The following C10orf67 variants were observed in gnomAD, a reference collection of about 807,000 sequenced individuals.
The protein encoded by C10orf67 is chromosome 10 open reading frame 67.
C10orf67 carries 60 observed loss-of-function variants against 35.6 expected under a neutral mutation model. The observed-to-expected ratio is 1.68, with a 90% CI of 1.37 to 2.09. The LOEUF is 2.09. Ranked by LOEUF, C10orf67 falls within the 30% of genes most tolerant of loss-of-function variation. The probability of loss-of-function intolerance (pLI) is 0.00; values close to 1 mark genes in which losing one functional copy is unlikely to be tolerated. For synonymous variants in C10orf67, 167 were observed against 115.8 expected, an observed-to-expected ratio of 1.44 and a Z score of -2.84; for missense variants, 474 against 330.2, an observed-to-expected ratio of 1.44 and a Z score of -3.38.
intron 1 of C10orf67, among the ~76,000 whole-genome samples, chr10:23,334,936 C>T (rs1376928623): frequency 6.6e-6 from 1 of 152,168 alleles, no homozygotes; most frequent in Non-Finnish European, 1.5e-5. Context: ...TGCCTATAAT[C>T]TCAGCACTTC....
intron 13 of C10orf67, among the ~76,000 whole-genome samples, chr10:23,228,983 G>A (rs913191127): frequency 5.1e-4 from 78 of 152,168 alleles, no homozygotes; most frequent in Non-Finnish European, 5.1e-4. Context: ...TACACTGTTG[G>A]TGGGACAGTA....
chr10:23,291,292 G>GA lies in C10orf67; in HGVS notation c.703-14dup. 1 of 713,076 alleles carries GA rather than the reference G, an allele frequency of 1.4e-6. No individual in the cohort carries two copies. Among genetic ancestry groups the GA allele is most frequent in the Non-Finnish European group, 2.6e-6 (1 of 384,298 alleles). The allele number at this position is 713,076 out of a possible 1,614,324, so 44.2% of individuals were successfully genotyped here. A position where few individuals can be genotyped will look rare whatever the true frequency, so the allele number is the denominator to read the frequency against. ...TGGCAAAAGATTCCTAAAAGATGGA[G>GA]AATGCCATATTCCTAAGCAGGGAGC... On this transcript the variant is annotated splice_polypyrimidine_tract_variant and intron_variant, in intron 5 of 15. Coordinates refer to ENST00000636213, the MANE Select transcript of C10orf67 (RefSeq NM_001371909.1).
chr10:23,244,577 A>T (rs1036510220), intron 12 of C10orf67, among the ~76,000 whole-genome samples: 1 of 152,162 alleles, frequency 6.6e-6, no homozygotes, highest in African/African-American at 2.4e-5. Context: ...CCAAAAAGAA[A>T]TTTTTTAAAA....
chr10:23,322,365 T>A, intron 3 of C10orf67, 29 bp downstream of exon 3: 5 of 1,599,284 alleles, frequency 3.1e-6, no homozygotes, highest in Non-Finnish European at 4.3e-6. Flanking sequence ...TCAATCCACA[T>A]AAAACAAAAG....
At chr10:23,210,634 G>T (rs900473758) in intron 15 of C10orf67, among the ~76,000 whole-genome samples, 3 of 152,082 alleles carry the variant, frequency 2.0e-5, no homozygotes, top group African/African-American at 7.2e-5. Flanking sequence ...TGGACAGGAT[G>T]GTCTCAAACT....
intron 13 of C10orf67, among the ~76,000 whole-genome samples, chr10:23,228,043 C>T (rs2132115914): frequency 6.6e-6 from 1 of 152,244 alleles, no homozygotes; most frequent in East Asian, 1.9e-4. Flanking sequence ...AATGCCATTC[C>T]CATCAAGCTA....
chr10:23,252,859 C>T (rs1271029068), intron 10 of C10orf67, among the ~76,000 whole-genome samples: 6 of 152,056 alleles, frequency 3.9e-5, no homozygotes, highest in African/African-American at 1.4e-4. Flanking sequence ...CTCTGTGTCC[C>T]CACCCAAATC....
intron 8 of C10orf67, among the ~76,000 whole-genome samples, chr10:23,274,572 G>C (rs894387850): frequency 6.6e-6 from 1 of 152,046 alleles, no homozygotes; most frequent in Non-Finnish European, 1.5e-5. Flanking sequence ...GCTCTATTCT[G>C]CCCGACCCCG....
chr10:23,221,905 G>T (rs1841591501), intron 15 of C10orf67, among the ~76,000 whole-genome samples: 1 of 152,136 alleles, frequency 6.6e-6, no homozygotes, highest in Non-Finnish European at 1.5e-5. Flanking sequence ...TCAGAGGGAA[G>T]AACATTACAT....
In C10orf67 at chr10:23,299,956, T is replaced by C. The variant is rs563032339; in HGVS notation, c.702+3348A>G. ...TCGCGCCACTGCACTCCAGCCTGGG[T>C]GACAGAGCGAGACTCTGTCTCAAAA... On this transcript the variant is annotated intron_variant, in intron 5 of 15. Coordinates refer to ENST00000636213, the MANE Select transcript of C10orf67 (RefSeq NM_001371909.1). Among the ~76,000 whole-genome samples, 468 of 148,250 alleles carry C rather than the reference T, an allele frequency of 3.2e-3. 5 individuals are homozygous for C. Among genetic ancestry groups the C allele is most frequent in the South Asian group, 0.013 (62 of 4,666 alleles).
At chr10:23,296,197 T>C (rs1285659987) in intron 5 of C10orf67, among the ~76,000 whole-genome samples, 2 of 152,056 alleles carry the variant, frequency 1.3e-5, no homozygotes, top group Admixed American at 1.3e-4. Flanking sequence ...TTTTTTGCAG[T>C]TGCAAGATTT....
intron 10 of C10orf67, among the ~76,000 whole-genome samples, chr10:23,255,535 A>C (rs113872643): frequency 1.3e-3 from 193 of 152,288 alleles, no homozygotes; most frequent in African/African-American, 4.5e-3. Flanking sequence ...TGGCTCTAGA[A>C]CATCCTAGAC....
chr10:23,306,583 G>A lies in C10orf67; in HGVS notation c.547-3124C>T, dbSNP rs565303454. Among the ~76,000 whole-genome samples the A allele has an allele frequency of 2.4e-3, 360 of 151,678 alleles. 1 individual carries two copies. The highest frequency in any genetic ancestry group is 3.8e-3 in the Non-Finnish European group (259 of 67,906). The stretch of plus-strand genomic sequence containing the variant: ...TGGTTGACAAAGGCTGGAGCACAGG[G>A]AAAATGGGGAGATGTTGGTCGAAGG... On this transcript the variant is annotated intron_variant, in intron 4 of 15. Coordinates refer to ENST00000636213, the MANE Select transcript of C10orf67 (RefSeq NM_001371909.1).
At chr10:23,272,126 A>G (rs1564482735) in intron 8 of C10orf67, among the ~76,000 whole-genome samples, 2 of 152,176 alleles carry the variant, frequency 1.3e-5, no homozygotes, top group Non-Finnish European at 2.9e-5. Flanking sequence ...CATGTTGCCC[A>G]CGCTGGTCTT....
intron 9 of C10orf67, 127 bp from the exon 10 acceptor site, chr10:23,266,553 A>T: frequency 2.5e-6 from 1 of 395,982 alleles, no homozygotes; most frequent in Non-Finnish European, 4.4e-6. Flanking sequence ...CCTAGAGCGC[A>T]TGGATTTGTT....
chr10:23,217,857 C>G (rs566804315), intron 15 of C10orf67, among the ~76,000 whole-genome samples: 51 of 152,254 alleles, frequency 3.3e-4, no homozygotes, highest in African/African-American at 1.2e-3. Context: ...TTAGCCTAAA[C>G]TTTTTTCTAC....
chr10:23,317,577 T>G (rs1844777252), intron 4 of C10orf67: 1 of 152,218 alleles, frequency 6.6e-6, no homozygotes, highest in Admixed American at 6.5e-5. Context: ...ACTGCTGAAA[T>G]GATTACATGG....
intron 5 of C10orf67, among the ~76,000 whole-genome samples, chr10:23,291,818 A>G (rs1246810529): frequency 6.6e-6 from 1 of 152,082 alleles, no homozygotes; most frequent in Non-Finnish European, 1.5e-5. Context: ...GGAGTCCATC[A>G]GGCACACGGA....
chr10:23,236,260 A>G (rs1842049233), intron 13 of C10orf67, among the ~76,000 whole-genome samples: 1 of 74,592 alleles, frequency 1.3e-5, no homozygotes, highest in African/African-American at 5.3e-5. Flanking sequence ...GGGGAAAAAA[A>G]AAAAAAAAAA....
Sources: gnomAD v4.1 joint callset for allele counts (sites outside exome capture counted in the v4.1 genomes callset) on GRCh38, gnomAD v4.1.1 for gene constraint, MANE v1.5 for transcripts, NCBI Gene and HGNC (gene_info 2026-07-23, HGNC 2026-07-21) for gene names.